The following DENND1A variants were observed in gnomAD, a reference collection of about 807,000 sequenced individuals.
DENND1A encodes DENN domain-containing protein 1A.
DENND1A carries 51 observed loss-of-function variants against 113.7 expected under a neutral mutation model. The observed-to-expected ratio is 0.45, with a 90% CI of 0.36 to 0.57. The LOEUF (loss-of-function observed/expected upper bound fraction) is 0.57, where lower values mean the gene tolerates loss of function less well. Ranked by LOEUF, DENND1A falls within the 20% of genes least tolerant of loss-of-function variation. DENND1A has a pLI of 0.00. For missense variants in DENND1A, 1,258 were observed against 1,395.9 expected, an observed-to-expected ratio of 0.90 and a Z score of 1.57; for synonymous variants, 565 against 570.8, an observed-to-expected ratio of 0.99 and a Z score of 0.14.
chr9:123,704,136 G>A (rs1190275041), intron 5 of DENND1A, among the ~76,000 whole-genome samples: 1 of 146,792 alleles, frequency 6.8e-6, no homozygotes, highest in Non-Finnish European at 1.5e-5. Flanking sequence ...CACTCTAGAG[G>A]CCCGAAAAAT....
At chr9:123,896,878 A>C (rs1850842405) in intron 1 of DENND1A, among the ~76,000 whole-genome samples, 1 of 152,342 alleles carries the variant, frequency 6.6e-6, no homozygotes, top group South Asian at 2.1e-4. Flanking sequence ...TAAAACATTA[A>C]GACAAATCAA....
intron 13 of DENND1A, among the ~76,000 whole-genome samples, chr9:123,520,825 C>A (rs115118357): frequency 2.2e-4 from 34 of 152,136 alleles, no homozygotes; most frequent in East Asian, 9.6e-4. Context: ...GTGTCTGGCA[C>A]GCAGTAGGCA....
At chr9:123,695,914 A>C (rs1243549499) in intron 5 of DENND1A, among the ~76,000 whole-genome samples, 2 of 152,014 alleles carry the variant, frequency 1.3e-5, no homozygotes, top group African/African-American at 2.4e-5. Context: ...CACAGAATCC[A>C]ATAGTGATGC....
At chr9:123,666,985 A>C in intron 8 of DENND1A, 41 bp downstream of exon 8, 1 of 1,524,154 alleles carries the variant, frequency 6.6e-7, no homozygotes, top group African/African-American at 1.4e-5. Context: ...GAAAACAGAG[A>C]AGAATAAAAA....
At chr9:123,526,694 C>T (rs1395476648) in intron 13 of DENND1A, among the ~76,000 whole-genome samples, 1 of 152,228 alleles carries the variant, frequency 6.6e-6, no homozygotes, top group Non-Finnish European at 1.5e-5. Context: ...ATTCGCATCC[C>T]TTGGCGTTGG....
chr9:123,912,536 G>A (rs377466234), intron 1 of DENND1A, among the ~76,000 whole-genome samples: 2 of 152,232 alleles, frequency 1.3e-5, no homozygotes, highest in African/African-American at 2.4e-5. Flanking sequence ...AAACCCTGTC[G>A]TCCCACCCTC....
chr9:123,792,567 A>G lies in DENND1A; in HGVS notation c.132+20T>C, dbSNP rs765989939. ...TGAAATAAATTTTGTCATGTAAAAAATTAATTACGCATTCCGAACCTGGTC... is the reference window on the plus strand; with the variant it reads ...TGAAATAAATTTTGTCATGTAAAAAGTTAATTACGCATTCCGAACCTGGTC... On this transcript the variant is annotated intron_variant, in intron 3 of 23. Transcript: ENST00000394215. The G allele has an allele frequency of 1.6e-5, 25 of 1,611,504 alleles. No homozygotes were observed. Among genetic ancestry groups the G allele is most frequent in the Admixed American group, 1.2e-4 (7 of 59,766 alleles).
chr9:123,496,160 C>A (rs1481934367), intron 13 of DENND1A, among the ~76,000 whole-genome samples: 3 of 152,170 alleles, frequency 2.0e-5, no homozygotes, highest in African/African-American at 4.8e-5. Flanking sequence ...TTTAAAAAAA[C>A]CATTAAAATG....
intron 13 of DENND1A, among the ~76,000 whole-genome samples, chr9:123,482,898 G>A (rs1217364014): frequency 1.3e-5 from 2 of 152,210 alleles, no homozygotes; most frequent in African/African-American, 4.8e-5. Flanking sequence ...CTCCAACCAA[G>A]CCTGGGCATG....
At chr9:123,413,850 C>T (rs2044505946) in intron 19 of DENND1A, 6 of 984,968 alleles carry the variant, frequency 6.1e-6, no homozygotes, top group African/African-American at 3.5e-5. Context: ...TCAATTCACA[C>T]CATTCATCAA....
intron 2 of DENND1A, among the ~76,000 whole-genome samples, chr9:123,874,436 T>A (rs1847132750): frequency 6.6e-6 from 1 of 152,096 alleles, no homozygotes; most frequent in Admixed American, 6.6e-5. Context: ...AATGAGCAAG[T>A]AGCCTGAATG....
At chr9:123,557,482 G>A (rs1396165894) in intron 13 of DENND1A, 88 bp downstream of exon 13, 1 of 1,549,124 alleles carries the variant, frequency 6.5e-7, no homozygotes, top group Non-Finnish European at 8.7e-7. Context: ...CTGGAAACCA[G>A]AAGAATCATG....
chr9:123,514,878 C>G (rs868766332), intron 13 of DENND1A, among the ~76,000 whole-genome samples: 4 of 152,130 alleles, frequency 2.6e-5, no homozygotes, highest in Non-Finnish European at 4.4e-5. Flanking sequence ...GTATCACTCC[C>G]TACTAAAAGG....
At chr9:123,819,389 T>C (rs1564335088) in intron 2 of DENND1A, among the ~76,000 whole-genome samples, 1 of 152,190 alleles carries the variant, frequency 6.6e-6, no homozygotes, top group Non-Finnish European at 1.5e-5. Context: ...ATCCAGATAA[T>C]GTGATAGCCC....
intron 11 of DENND1A, among the ~76,000 whole-genome samples, chr9:123,609,063 A>G (rs187315142): frequency 1.9e-3 from 290 of 152,358 alleles, no homozygotes; most frequent in African/African-American, 6.5e-3. Flanking sequence ...TCATGATTCT[A>G]TATACATTTT....
intron 1 of DENND1A, among the ~76,000 whole-genome samples, chr9:123,887,001 G>A (rs1849197520): frequency 6.6e-6 from 1 of 152,138 alleles, no homozygotes; most frequent in Non-Finnish European, 1.5e-5. Flanking sequence ...GGTAACTGGA[G>A]GAGGGTTAGC....
chr9:123,454,808 C>G (rs752915504), intron 15 of DENND1A, 29 bp from the exon 16 acceptor site: 21 of 1,534,942 alleles, frequency 1.4e-5, no homozygotes, highest in South Asian at 6.0e-5. Flanking sequence ...GAGAAGCTGT[C>G]ACTTAAAGAG....
intron 22 of DENND1A, among the ~76,000 whole-genome samples, chr9:123,386,460 C>A (rs1477604333): frequency 2.7e-5 from 4 of 150,220 alleles, no homozygotes; most frequent in African/African-American, 9.8e-5. Flanking sequence ...CGGCTCACTG[C>A]AACCTCCGCC....
At chr9:123,823,949 C>T (rs188800580) in intron 2 of DENND1A, among the ~76,000 whole-genome samples, 1 of 152,264 alleles carries the variant, frequency 6.6e-6, no homozygotes, top group Admixed American at 6.5e-5. Flanking sequence ...TTTGAGATGT[C>T]TATGAGAAGA....
Sources: gnomAD v4.1 joint callset for allele counts (sites outside exome capture counted in the v4.1 genomes callset) on GRCh38, gnomAD v4.1.1 for gene constraint, MANE v1.5 for transcripts, NCBI Gene and HGNC (gene_info 2026-07-23, HGNC 2026-07-21) for gene names.